Variants in NAV1 observed in about 807,000 individuals in gnomAD.
NAV1 encodes pore membrane and/or filament interacting like protein 3.
NAV1 carries 18 observed loss-of-function variants against 175.2 expected under a neutral mutation model. The ratio of observed to expected loss-of-function variants is 0.10; its 90% CI spans 0.07 to 0.15. The LOEUF (loss-of-function observed/expected upper bound fraction) is 0.15, where lower values mean the gene tolerates loss of function less well. Ranked by LOEUF, NAV1 falls within the 10% of genes least tolerant of loss-of-function variation. NAV1 has a pLI of 1.00. For missense variants in NAV1, 1,731 were observed against 2,436.6 expected (o/e 0.71, Z 6.10); for synonymous variants, 897 against 978.7 (o/e 0.92, Z 1.56).
At chr1:201,558,543 C>T (rs574337773) in intron 1 of NAV1, among the ~76,000 whole-genome samples, 19 of 152,246 alleles carry the variant, frequency 1.2e-4, no homozygotes, top group Non-Finnish European at 2.6e-4. Flanking sequence ...ACATCTGCCT[C>T]GCGGGTTCAA....
At chr1:201,789,354 G>A (rs1676963211) in intron 10 of NAV1, among the ~76,000 whole-genome samples, 2 of 152,158 alleles carry the variant, frequency 1.3e-5, no homozygotes, top group South Asian at 2.1e-4. Context: ...GGCGCGGGCA[G>A]AATTTCAGTA....
intron 1 of NAV1, among the ~76,000 whole-genome samples, chr1:201,683,940 C>G (rs1342452946): frequency 6.6e-6 from 1 of 152,154 alleles, no homozygotes; most frequent in Non-Finnish European, 1.5e-5. Context: ...ATTCATTCAT[C>G]ATTCATTCAT....
chr1:201,560,242 CA>C (rs1489530569), intron 1 of NAV1, among the ~76,000 whole-genome samples: 5 of 152,196 alleles, frequency 3.3e-5, no homozygotes, highest in African/African-American at 1.2e-4. Context: ...ATGTAAAACC[CA>C]TTAAGGATCT....
At chr1:201,726,992 C>T (rs1031420112) in intron 3 of NAV1, among the ~76,000 whole-genome samples, 2 of 152,204 alleles carry the variant, frequency 1.3e-5, no homozygotes, top group African/African-American at 4.8e-5. Flanking sequence ...TGTCTCTTTT[C>T]CTTCCTAGCT....
At chr1:201,735,497 C>T (rs143980694) in intron 3 of NAV1, among the ~76,000 whole-genome samples, 313 of 152,240 alleles carry the variant, frequency 2.1e-3, no homozygotes, top group African/African-American at 6.5e-3. Flanking sequence ...AGGAGAGAAG[C>T]GCCCCACATT....
chr1:201,680,261 G>A (rs1028697252), intron 1 of NAV1, among the ~76,000 whole-genome samples: 2 of 152,148 alleles, frequency 1.3e-5, no homozygotes, highest in African/African-American at 2.4e-5. Flanking sequence ...TGTAATCCCA[G>A]CACTTTGGGA....
In NAV1 at chr1:201,769,539, GA is replaced by G. The variant is rs529383354; in HGVS notation, c.1227-10881del. ...GGGGACTGAAAAGCCCTCCAACTCT[GA>G]GTCTGGCTTTTTTTCATGATTGATT... On this transcript the variant is annotated intron_variant, in intron 3 of 29. Coordinates refer to ENST00000367296, the Ensembl canonical transcript of NAV1. Among the ~76,000 whole-genome samples, 368 of 152,328 alleles carry G rather than the reference GA, an allele frequency of 2.4e-3. 1 individual carries two copies. The highest frequency in any genetic ancestry group is 1.9e-3 in the Non-Finnish European group (130 of 68,032).
rs1178528905 is a variant in NAV1, at chr1:201,693,803, A to T, written c.758-19014A>T. Among the ~76,000 whole-genome samples the T allele has an allele frequency of 2.0e-5, 3 of 152,330 alleles. No homozygotes were observed. The East Asian group carries it at 5.8e-4, about 29-fold the overall frequency. On this transcript the variant is annotated intron_variant, in intron 1 of 29. Coordinates refer to ENST00000367296, the Ensembl canonical transcript of NAV1. ...GGACACTCATGGAAGATCAGGCCAA[A>T]AATGTCTGTAGAGGGTCTTGTATGT...
At chr1:201,544,563 A>G (rs573196971) in intron 1 of NAV1, among the ~76,000 whole-genome samples, 1 of 152,276 alleles carries the variant, frequency 6.6e-6, no homozygotes, top group South Asian at 2.1e-4. Flanking sequence ...CTGCAACACT[A>G]TGTTGAAATC....
In NAV1 at chr1:201,546,614, G is replaced by A. The variant is rs1342160139; in HGVS notation, c.-144+7272G>A. 3.3e-5 allele frequency among the ~76,000 whole-genome samples: 5 copies of A among 152,112 alleles called. No individual in the cohort carries two copies. In the East Asian group the frequency reaches 9.7e-4, roughly 29 times the overall value. On this transcript the variant is annotated intron_variant, in intron 1 of 33. Coordinates refer to the NAV1 transcript ENST00000685211. ...TAATATTTTTCTGAGCCACTTAAGA[G>A]TAATTTGTTGCCAGGCCCAGTGGCT... is the stretch of plus-strand genomic sequence containing the variant.
At chr1:201,542,053 AC>A (rs1430910842) in intron 1 of NAV1, among the ~76,000 whole-genome samples, 3 of 151,972 alleles carry the variant, frequency 2.0e-5, no homozygotes, top group African/African-American at 4.8e-5. Context: ...ACTCCTCCCA[AC>A]CCCTGCTCTT....
chr1:201,556,160 C>T (rs1236082800), intron 1 of NAV1, among the ~76,000 whole-genome samples: 1 of 152,108 alleles, frequency 6.6e-6, no homozygotes, highest in Non-Finnish European at 1.5e-5. Flanking sequence ...TGGCTCATGC[C>T]TGTCACTTTA....
At chr1:201,773,793 C>A (rs1021744913) in intron 3 of NAV1, among the ~76,000 whole-genome samples, 1 of 152,154 alleles carries the variant, frequency 6.6e-6, no homozygotes, top group African/African-American at 2.4e-5. Flanking sequence ...GGAGAAAGTT[C>A]TTTAATTTAC....
chr1:201,753,980 A>G (rs948107506), intron 3 of NAV1, among the ~76,000 whole-genome samples: 1 of 152,198 alleles, frequency 6.6e-6, no homozygotes, highest in Admixed American at 6.5e-5. Context: ...AAAGTGAAGG[A>G]AAGCTGGAAT....
At chr1:201,783,632 C>A in exon 7 of NAV1, 1 of 1,614,216 alleles carries the variant, frequency 6.2e-7, no homozygotes, top group Non-Finnish European at 8.5e-7. Flanking sequence ...GGGCCTGGAG[C>A]TAATGAGTGG....
chr1:201,777,932 A>T (rs1477004321), intron 3 of NAV1, among the ~76,000 whole-genome samples: 1 of 152,162 alleles, frequency 6.6e-6, no homozygotes, highest in Non-Finnish European at 1.5e-5. Context: ...GAGAGGAAAG[A>T]AAGAAAGAGA....
At chr1:201,793,952 A>G (rs1558173097) in intron 14 of NAV1, 77 bp downstream of exon 18, 1 of 1,288,988 alleles carries the variant, frequency 7.8e-7, no homozygotes, top group African/African-American at 1.4e-5. Context: ...GAAGCTGACC[A>G]TCTGTTCTTG....
chr1:201,687,748 A>C (rs759317956), intron 1 of NAV1, among the ~76,000 whole-genome samples: 60 of 152,198 alleles, frequency 3.9e-4, no homozygotes, highest in Non-Finnish European at 7.2e-4. Context: ...TAGGGCCCTA[A>C]AACTAGTGAA....
intron 28 of NAV1, among the ~76,000 whole-genome samples, chr1:201,816,027 C>T (rs543469011): frequency 1.3e-5 from 2 of 152,026 alleles, no homozygotes; most frequent in African/African-American, 2.4e-5. Flanking sequence ...TGTGAGCCAT[C>T]GCACGCAGCT....
Sources: gnomAD v4.1 joint callset for allele counts (sites outside exome capture counted in the v4.1 genomes callset) on GRCh38, gnomAD v4.1.1 for gene constraint, MANE v1.5 for transcripts, NCBI Gene and HGNC (gene_info 2026-07-23, HGNC 2026-07-21) for gene names.